TCF20: variants seen among roughly 807,000 people sequenced by gnomAD.
The protein encoded by TCF20 is transcription factor 20.
In TCF20, 3 loss-of-function variants were observed where a neutral mutation model predicts 148.6. The ratio of observed to expected loss-of-function variants is 0.02; its 90% confidence interval spans 0.01 to 0.05. The LOEUF is 0.05. TCF20 is among the 10% of genes least tolerant of loss of function. The probability of loss-of-function intolerance (pLI) is 1.00; values close to 1 mark genes in which losing one functional copy is unlikely to be tolerated. For missense variants in TCF20, 2,350 were observed against 2,429.3 expected (o/e 0.97, Z 0.69); for synonymous variants, 1,049 against 909.5 (o/e 1.15, Z -2.76).
intron 1 of TCF20, among the ~76,000 whole-genome samples, chr22:42,341,059 C>G (rs866718342): frequency 4.6e-5 from 7 of 152,164 alleles, no homozygotes; most frequent in South Asian, 2.1e-4. Flanking sequence ...TCAAAGCGCG[C>G]GCCGGCTGCC....
At chr22:42,300,623 G>A (rs1316707172) in intron 1 of TCF20, among the ~76,000 whole-genome samples, 1 of 152,148 alleles carries the variant, frequency 6.6e-6, no homozygotes, top group Admixed American at 6.5e-5. Context: ...GCCTCCTGCG[G>A]TCAGCAGCCC....
At chr22:42,267,828 A>G (rs1051576029) in intron 1 of TCF20, among the ~76,000 whole-genome samples, 10 of 152,316 alleles carry the variant, frequency 6.6e-5, no homozygotes, top group African/African-American at 2.4e-4. Flanking sequence ...ATCCTTTTGG[A>G]AACTGTTCAA....
intron 1 of TCF20, among the ~76,000 whole-genome samples, chr22:42,235,727 CAT>C (rs1400594968): frequency 6.6e-6 from 1 of 152,100 alleles, no homozygotes; most frequent in Non-Finnish European, 1.5e-5. Context: ...TTATTTAACC[CAT>C]ATGTCTCACA....
intron 5 of TCF20, among the ~76,000 whole-genome samples, chr22:42,161,883 G>C (rs951544693): frequency 3.3e-5 from 5 of 150,794 alleles, no homozygotes; most frequent in African/African-American, 7.3e-5. Flanking sequence ...CTGCAGCCTT[G>C]ACCTCCTGGG....
At chr22:42,179,490 C>CAAAAAAAAAAAAAAAAAAAAAGA (rs1936658778) in intron 3 of TCF20, 119 bp downstream of exon 3, 1 of 341,486 alleles carries the variant, frequency 2.9e-6, no homozygotes, top group African/African-American at 3.0e-5. Context: ...TATGAAGTGA[C>CAAAAAAAAAAAAAAAAAAAAAGA]AAAAAAAAAA....
In TCF20 at chr22:42,212,323, C is replaced by A. The variant is rs1921044984; in HGVS notation, c.2983G>T (p.Val995Phe). The A allele has an allele frequency of 6.2e-7, 1 of 1,614,138 alleles. No individual in the cohort carries two copies. The highest frequency in any genetic ancestry group is 8.5e-7 in the Non-Finnish European group (1 of 1,180,056). Residue 995 changes from valine (V) to phenylalanine (F), a missense_variant, in exon 2 of 6, where the codon GTT (valine) becomes TTT (phenylalanine). Physicochemically the swap from Val to Phe is conservative, Grantham distance 50. Around this residue, in one of 7 missense-constraint regions of TCF20, gnomAD observed 1,641 missense variants for 1,662.6 expected, o/e 0.99. Coordinates refer to ENST00000677622, the MANE Select transcript of TCF20 (RefSeq NM_001378418.1). ...PTPMRRVPGR[V>F]GGREGMRGRS... ...CCCCTCATGCCCTCCCGACCACCAA[C>A]TCTGCCAGGGACCCGCCGCATTGGC...
chr22:42,208,295 T>C (rs1938526662), intron 2 of TCF20, among the ~76,000 whole-genome samples: 1 of 152,100 alleles, frequency 6.6e-6, no homozygotes, highest in South Asian at 2.1e-4. Context: ...AAAAAAGCTC[T>C]TCAAAATATC....
chr22:42,311,757 AC>A (rs1601702633), intron 1 of TCF20, among the ~76,000 whole-genome samples: 1 of 152,070 alleles, frequency 6.6e-6, no homozygotes, highest in East Asian at 1.9e-4. Flanking sequence ...AATCCCGGGC[AC>A]CCTGCAGGCA....
intron 1 of TCF20, among the ~76,000 whole-genome samples, chr22:42,253,806 G>T (rs1355446947): frequency 6.6e-6 from 1 of 152,132 alleles, no homozygotes; most frequent in African/African-American, 2.4e-5. Flanking sequence ...GGCCGGGCAT[G>T]GTGGCTCATG....
intron 1 of TCF20, among the ~76,000 whole-genome samples, chr22:42,298,083 C>T (rs1171347980): frequency 6.6e-6 from 1 of 152,218 alleles, no homozygotes; most frequent in Non-Finnish European, 1.5e-5. Context: ...CTCACATGTC[C>T]TGAGAGGGCC....
At chr22:42,311,781 C>T (rs1927541655) in intron 1 of TCF20, among the ~76,000 whole-genome samples, 1 of 152,142 alleles carries the variant, frequency 6.6e-6, no homozygotes, top group African/African-American at 2.4e-5. Context: ...CAGGAGCTGC[C>T]GCGTGTCCTC....
exon 1 of TCF20, among the ~76,000 whole-genome samples, chr22:42,283,839 A>G (rs1308228801): frequency 6.6e-6 from 1 of 152,110 alleles, no homozygotes; most frequent in African/African-American, 2.4e-5. Context: ...TTGCAGCCGC[A>G]TCCTTCCCTG....
At position 42,208,455 on chromosome 22, in the gene TCF20, T is replaced by C. The variant is rs569995670; in HGVS notation, c.5655+1196A>G. Among the ~76,000 whole-genome samples the C allele has an allele frequency of 3.9e-5, 6 of 152,252 alleles. No individual in the cohort carries two copies. The East Asian group carries it at 9.7e-4, about 24-fold the overall frequency. On this transcript the variant is annotated intron_variant, in intron 2 of 5. Transcript: ENST00000677622. Reference sequence around the variant, plus strand: ...CACTCTGGGCAACACAGTGAGACCTTGTTTCTGCAAAAAATATAAATATTA... The same window carrying C: ...CACTCTGGGCAACACAGTGAGACCTCGTTTCTGCAAAAAATATAAATATTA...
chr22:42,215,301 T>C lies in TCF20; in HGVS notation c.5A>G (p.Gln2Arg). 6.2e-7 allele frequency: 1 copy of C among 1,611,498 alleles called. No homozygotes were observed. Among genetic ancestry groups the C allele is most frequent in the Non-Finnish European group, 8.5e-7 (1 of 1,178,016 alleles). The change falls in exon 2 of 6, where the codon CAG becomes CGG. Residue 2 changes from glutamine to arginine, a missense_variant. Gln to Arg is a conservative substitution (Grantham distance 43, BLOSUM62 1). This residue lies in a region of TCF20 where 1,641 missense variants were observed against 1,662.6 expected (regional missense o/e 0.99). Transcript: ENST00000677622. ...GTAACTGCTTTGCTCCCGAAAGGAC[T>C]GCATACTGTTCAGCAGCACAGCAGC... M[Q>R]SFREQSSYHG...
In TCF20 at chr22:42,212,153, G is replaced by C; in HGVS notation, c.3153C>G (p.Pro1051=). 4 of 1,614,212 alleles carry C rather than the reference G, an allele frequency of 2.5e-6. No homozygotes were observed. Among genetic ancestry groups the C allele is most frequent in the Non-Finnish European group, 3.4e-6 (4 of 1,180,044 alleles). ...ERANRSSLHT[P]FSPNSETLAS... Reference sequence around the variant, plus strand: ...CCAGGGTTTCTGAGTTGGGAGAAAAGGGAGTGTGTAAAGAACTCCGGTTAG... The same window carrying C: ...CCAGGGTTTCTGAGTTGGGAGAAAACGGAGTGTGTAAAGAACTCCGGTTAG... The change falls in exon 2 of 6, where the codon CCC becomes CCG. Residue 1051 remains proline, a synonymous_variant. Transcript: ENST00000677622.
rs903813830 is a variant in TCF20 at position 42,209,800 on chromosome 22, G to A, written c.5506C>T (p.Pro1836Ser). 9.9e-6 allele frequency: 16 copies of A among 1,614,136 alleles called. No homozygotes were observed. Among genetic ancestry groups the A allele is most frequent in the African/African-American group, 1.3e-5 (1 of 75,026 alleles). ...PSVPTTSEGGPELELQIPELP... is the reference protein window; with the variant it reads ...PSVPTTSEGGSELELQIPELP... ...TCAGGGATTTGTAACTCCAGCTCAGGGCCACCTTCTGAAGTGGTGGGCACG... is the reference window on the plus strand; with the variant it reads ...TCAGGGATTTGTAACTCCAGCTCAGAGCCACCTTCTGAAGTGGTGGGCACG... Residue 1836 changes from proline to serine, a missense_variant, in exon 2 of 6, where the codon CCT becomes TCT. Pro to Ser is a moderately conservative substitution (Grantham distance 74, BLOSUM62 -1). Transcript: ENST00000677622.
intron 1 of TCF20, among the ~76,000 whole-genome samples, chr22:42,252,774 A>C (rs1925486607): frequency 6.6e-6 from 1 of 152,110 alleles, no homozygotes; most frequent in Non-Finnish European, 1.5e-5. Context: ...TTTAACTGAA[A>C]CACTAGAGTA....
At chr22:42,310,707 G>A (rs374551780) in intron 1 of TCF20, among the ~76,000 whole-genome samples, 1 of 152,170 alleles carries the variant, frequency 6.6e-6, no homozygotes, top group African/African-American at 2.4e-5. Context: ...GTGGATTTTA[G>A]CCCCCAGGCA....
chr22:42,327,500 G>A (rs1477038774), intron 1 of TCF20, among the ~76,000 whole-genome samples: 1 of 152,168 alleles, frequency 6.6e-6, no homozygotes, highest in Admixed American at 6.5e-5. Flanking sequence ...AATGGGACAG[G>A]AGACACGGCT....
Sources: allele counts gnomAD v4.1 joint callset (sites outside exome capture counted in the v4.1 genomes callset), GRCh38; gene constraint gnomAD v4.1.1; regional missense constraint gnomAD v4.1.1; transcripts MANE v1.5; gene names NCBI Gene and HGNC (gene_info 2026-07-23, HGNC 2026-07-21).